MTTP: variants seen among roughly 807,000 people sequenced by gnomAD.
The protein encoded by MTTP is microsomal triglyceride transfer protein large subunit.
MTTP carries 49 observed loss-of-function variants against 90.6 expected under a neutral mutation model. The observed-to-expected ratio is 0.54, with a 90% CI of 0.43 to 0.69. The LOEUF (loss-of-function observed/expected upper bound fraction) is 0.69, where lower values mean the gene tolerates loss of function less well. MTTP is among the 30% of genes least tolerant of loss of function. The pLI is 0.00. For synonymous variants in MTTP, 347 were observed against 384.2 expected, an observed-to-expected ratio of 0.90 and a Z score of 1.13; for missense variants, 945 against 1,067.5, an observed-to-expected ratio of 0.89 and a Z score of 1.60.
rs1724599736 is a variant in MTTP at position 99,564,223 on chromosome 4, C to T, written c.-116C>T. 4 of 1,535,304 alleles carry T rather than the reference C, an allele frequency of 2.6e-6. No individual in the cohort carries two copies. The African/African-American group carries it at 5.5e-5, about 21-fold the overall frequency. ...AAGTGTGTACCTGCAGACGTGTATT[C>T]ATTCATATATTCTTGTGAGTATTGG... On this transcript the variant is annotated 5_prime_UTR_variant, in exon 1 of 19. Transcript: ENST00000457717.
At chr4:99,594,190 C>A (rs968250756) in intron 6 of MTTP, among the ~76,000 whole-genome samples, 3 of 152,180 alleles carry the variant, frequency 2.0e-5, no homozygotes, top group Non-Finnish European at 4.4e-5. Context: ...TAAGACATAG[C>A]CTTAGAGATC....
At chr4:99,573,792 T>A (rs937732768), upstream of MTTP, among the ~76,000 whole-genome samples, 3 of 152,204 alleles carry the variant, frequency 2.0e-5, no homozygotes, top group African/African-American at 7.2e-5. Context: ...TAAATATTTT[T>A]AAATACATTC....
In MTTP at chr4:99,606,762, T is replaced by C; in HGVS notation, c.1359T>C (p.Ala453=). The C allele has an allele frequency of 6.2e-7, 1 of 1,613,620 alleles. No homozygotes were observed. The highest frequency in any genetic ancestry group is 8.5e-7 in the Non-Finnish European group (1 of 1,179,948). Residue 453 remains alanine, a synonymous_variant, in exon 11 of 18, where the codon GCT becomes GCC. Transcript: ENST00000265517. ...EGCKLKAVVE[A]KKLILGGLEK... is the part of the protein sequence containing the mutation. ...TGATTTTTCAGGCAGTAGTGGAAGCTAAGAAGTTAATCCTGGGAGGACTTG... is the reference window on the plus strand; with the variant it reads ...TGATTTTTCAGGCAGTAGTGGAAGCCAAGAAGTTAATCCTGGGAGGACTTG...
intron 3 of MTTP, among the ~76,000 whole-genome samples, chr4:99,587,348 A>T (rs935767113): frequency 2.0e-5 from 3 of 152,126 alleles, no homozygotes; most frequent in Non-Finnish European, 4.4e-5. Context: ...AAGCAATAAA[A>T]ACTAATAGAA....
rs191268205 is a variant in MTTP, at chr4:99,619,278, G to A, written c.2342+180G>A. On this transcript the variant is annotated intron_variant, in intron 16 of 17. Transcript: ENST00000265517. Reference sequence around the variant, plus strand: ...AATTATTCTGTCTATAGCTTCTTATGAGCAGGTCAGTACCTAATATGACTC... The same window carrying A: ...AATTATTCTGTCTATAGCTTCTTATAAGCAGGTCAGTACCTAATATGACTC... Among the ~76,000 whole-genome samples the A allele has an allele frequency of 2.2e-3, 338 of 152,224 alleles. 1 individual carries two copies. Among genetic ancestry groups the A allele is most frequent in the African/African-American group, 7.7e-3 (319 of 41,550 alleles).
chr4:99,581,856 C>A, intron 1 of MTTP, 49 bp from the exon 2 acceptor site: 1 of 1,582,400 alleles, frequency 6.3e-7, no homozygotes, highest in South Asian at 1.1e-5. Context: ...GGTGAGACAG[C>A]ATGTTCCCTT....
chr4:99,565,224 C>G (rs1724645958), intron 1 of MTTP, among the ~76,000 whole-genome samples: 1 of 152,142 alleles, frequency 6.6e-6, no homozygotes, highest in East Asian at 1.9e-4. Context: ...CCTATGGGAT[C>G]TGTTTTATAA....
chr4:99,606,427 A>G (rs1020797512), intron 10 of MTTP, among the ~76,000 whole-genome samples: 14 of 152,336 alleles, frequency 9.2e-5, no homozygotes, highest in African/African-American at 2.6e-4. Flanking sequence ...TCAGTGAATG[A>G]GCAGTTTTTT....
intron 1 of MTTP, among the ~76,000 whole-genome samples, chr4:99,578,455 A>C (rs1262737478): frequency 6.6e-6 from 1 of 152,232 alleles, no homozygotes; most frequent in Non-Finnish European, 1.5e-5. Flanking sequence ...CAAAAAGGAA[A>C]GTATAAGAGG....
chr4:99,602,194 G>A (rs1402243761), intron 10 of MTTP, among the ~76,000 whole-genome samples: 1 of 152,026 alleles, frequency 6.6e-6, no homozygotes, highest in Non-Finnish European at 1.5e-5. Flanking sequence ...TTTGATAGTA[G>A]AAATTTAGTT....
chr4:99,588,114 A>C (rs955163742), intron 3 of MTTP, among the ~76,000 whole-genome samples: 1 of 151,996 alleles, frequency 6.6e-6, no homozygotes, highest in Non-Finnish European at 1.5e-5. Flanking sequence ...GATTTGAGAC[A>C]CTTGTTTGGA....
At chr4:99,577,856 ATT>A (rs1376613749) in intron 1 of MTTP, among the ~76,000 whole-genome samples, 4 of 151,908 alleles carry the variant, frequency 2.6e-5, no homozygotes, top group Admixed American at 2.6e-4. Flanking sequence ...CTTCTATTTA[ATT>A]TTGTCACCTT....
At chr4:99,576,826 A>G (rs1178231911) in intron 1 of MTTP, among the ~76,000 whole-genome samples, 1 of 152,144 alleles carries the variant, frequency 6.6e-6, no homozygotes, top group Non-Finnish European at 1.5e-5. Flanking sequence ...AAACAAGCTT[A>G]GTAGTAAATC....
chr4:99,605,334 A>T (rs1025165379), intron 10 of MTTP, among the ~76,000 whole-genome samples: 1 of 152,126 alleles, frequency 6.6e-6, no homozygotes, highest in Non-Finnish European at 1.5e-5. Context: ...ATATCATTCT[A>T]TACATACTCT....
intron 12 of MTTP, among the ~76,000 whole-genome samples, chr4:99,610,585 A>G (rs1725925622): frequency 1.3e-5 from 2 of 152,252 alleles, no homozygotes; most frequent in African/African-American, 4.8e-5. Flanking sequence ...TACTTAGACA[A>G]GATGGACGCA....
chr4:99,602,840 T>G (rs1241939046), intron 10 of MTTP, among the ~76,000 whole-genome samples: 1 of 152,114 alleles, frequency 6.6e-6, no homozygotes, highest in African/African-American at 2.4e-5. Context: ...AATGAGCATC[T>G]ACTCTGTACT....
In MTTP at chr4:99,623,217, G is replaced by T; in HGVS notation, c.*369G>T. 6.8e-6 allele frequency: 2 copies of T among 295,338 alleles called. No individual in the cohort carries two copies. The highest frequency in any genetic ancestry group is 1.3e-5 in the Non-Finnish European group (2 of 152,954). The allele number at this position is 295,338 out of a possible 1,614,324, so 18.3% of individuals were successfully genotyped here. On this transcript the variant is annotated 3_prime_UTR_variant, in exon 18 of 18. Coordinates refer to ENST00000265517, the MANE Select transcript of MTTP (RefSeq NM_001386140.1). Reference sequence around the variant, plus strand: ...TTTGTTTCAACAATTTTTGATCAATGTATATGAAGCTCTTGATAGGACTTC... The same window carrying T: ...TTTGTTTCAACAATTTTTGATCAATTTATATGAAGCTCTTGATAGGACTTC...
intron 1 of MTTP, among the ~76,000 whole-genome samples, chr4:99,565,048 C>A (rs1170697169): frequency 6.6e-6 from 1 of 152,102 alleles, no homozygotes; most frequent in Non-Finnish European, 1.5e-5. Context: ...AGTCTGGATC[C>A]ACTTCTGATC....
At chr4:99,593,775 A>T (rs556412139) in intron 6 of MTTP, among the ~76,000 whole-genome samples, 1 of 152,150 alleles carries the variant, frequency 6.6e-6, no homozygotes, top group Non-Finnish European at 1.5e-5. Context: ...TACTTCATAT[A>T]CTACTGGTAT....
Sources: allele counts gnomAD v4.1 joint callset (sites outside exome capture counted in the v4.1 genomes callset), GRCh38; gene constraint gnomAD v4.1.1; transcripts MANE v1.5; gene names NCBI Gene and HGNC (gene_info 2026-07-23, HGNC 2026-07-21).